The following PDGFD variants were observed in gnomAD, a reference collection of about 807,000 sequenced individuals.
PDGFD encodes platelet derived growth factor D, also known as platelet-derived growth factor D.
In PDGFD, 30 loss-of-function variants were observed where a neutral mutation model predicts 44.7. That is an observed-to-expected ratio of 0.67 (90% CI 0.50 to 0.91). PDGFD has a LOEUF of 0.91. Ranked by LOEUF, PDGFD falls within the 40% of genes least tolerant of loss-of-function variation. PDGFD has a pLI of 0.00. For synonymous variants in PDGFD, 173 were observed against 168.4 expected (o/e 1.03, Z -0.21); for missense variants, 445 against 457.8 (o/e 0.97, Z 0.25).
intron 3 of PDGFD, among the ~76,000 whole-genome samples, chr11:103,955,163 C>CAAAAAAAAAAAAAAAAAAA: frequency 1.7e-5 from 1 of 58,412 alleles, no homozygotes; most frequent in Admixed American, 1.8e-4. Flanking sequence ...GACTCCGTCT[C>CAAAAAAAAAAAAAAAAAAA]AAAAAAAAAA....
At chr11:103,966,346 G>T (rs774592540) in intron 3 of PDGFD, among the ~76,000 whole-genome samples, 1 of 152,126 alleles carries the variant, frequency 6.6e-6, no homozygotes, top group Non-Finnish European at 1.5e-5. Context: ...AAAAATGACA[G>T]TCAATTTCTA....
intron 1 of PDGFD, among the ~76,000 whole-genome samples, chr11:104,128,223 T>A (rs1419216565): frequency 6.9e-6 from 1 of 145,150 alleles, no homozygotes; most frequent in Admixed American, 7.4e-5. Context: ...TTGAAAAAAA[T>A]GTGGAATAGG....
At chr11:104,052,266 T>G (rs2134407269) in intron 1 of PDGFD, among the ~76,000 whole-genome samples, 1 of 152,322 alleles carries the variant, frequency 6.6e-6, no homozygotes, top group Middle Eastern at 3.4e-3. Flanking sequence ...ACAAGGACAT[T>G]CATGCCAGTT....
intron 1 of PDGFD, among the ~76,000 whole-genome samples, chr11:104,058,298 A>G (rs1860655032): frequency 6.6e-6 from 1 of 152,248 alleles, no homozygotes; most frequent in East Asian, 1.9e-4. Context: ...ACATTCACCG[A>G]TAAGAAGAAA....
At chr11:104,133,759 T>C (rs1338525140) in intron 1 of PDGFD, among the ~76,000 whole-genome samples, 1 of 152,168 alleles carries the variant, frequency 6.6e-6, no homozygotes, top group Non-Finnish European at 1.5e-5. Flanking sequence ...AAGAGTATTT[T>C]ATAAGTTCCA....
chr11:104,126,341 C>G (rs925360456), intron 1 of PDGFD, among the ~76,000 whole-genome samples: 6 of 152,156 alleles, frequency 3.9e-5, no homozygotes, highest in African/African-American at 1.4e-4. Flanking sequence ...GGGCTAGGAT[C>G]TAATACTGGG....
chr11:104,002,101 G>T, intron 1 of PDGFD, among the ~76,000 whole-genome samples: 1 of 152,120 alleles, frequency 6.6e-6, no homozygotes, highest in East Asian at 1.9e-4. Context: ...TTCCAACAAG[G>T]ACAGCAAGCA....
At position 104,000,250 on chromosome 11, in the gene PDGFD, T is replaced by C. The variant is rs775874895; in HGVS notation, c.130A>G (p.Asn44Asp). 1.9e-6 allele frequency: 3 copies of C among 1,613,670 alleles called. No individual in the cohort carries two copies. The highest frequency in any genetic ancestry group is 2.5e-6 in the Non-Finnish European group (3 of 1,179,688). Reference protein sequence around the residue: ...RNANLRRDESNHLTDLYRRDE... With the variant: ...RNANLRRDESDHLTDLYRRDE... ...CTTCGGTACAAGTCTGTGAGGTGAT[T>C]GCTCTCTGTTAGTAGTCACAACTTG... is the stretch of plus-strand genomic sequence containing the variant. Residue 44 changes from asparagine to aspartate, a missense_variant, in exon 2 of 7, where the codon AAT becomes GAT. Asn to Asp is a conservative substitution (Grantham distance 23). Transcript: ENST00000393158.
chr11:103,940,962 T>C (rs1386377625), intron 5 of PDGFD, among the ~76,000 whole-genome samples: 7 of 152,102 alleles, frequency 4.6e-5, no homozygotes, highest in Admixed American at 4.6e-4. Context: ...GTCTATGGGG[T>C]GGTTTCTATA....
At chr11:104,033,084 TTA>T (rs143038882) in intron 1 of PDGFD, among the ~76,000 whole-genome samples, 2 of 149,692 alleles carry the variant, frequency 1.3e-5, no homozygotes, top group Admixed American at 6.7e-5. Flanking sequence ...GTAATATATT[TTA>T]TATATATATA....
At chr11:103,973,512 T>C (rs1859135253) in intron 3 of PDGFD, among the ~76,000 whole-genome samples, 1 of 152,000 alleles carries the variant, frequency 6.6e-6, no homozygotes, top group Non-Finnish European at 1.5e-5. Flanking sequence ...GGATCAGAAG[T>C]AGTTGATAAT....
In PDGFD at chr11:104,134,827, T is replaced by C. The variant is rs1403006211; in HGVS notation, c.124+28977A>G. On this transcript the variant is annotated intron_variant, in intron 1 of 6. Transcript: ENST00000393158. Reference sequence around the variant, plus strand: ...CCTGGGCTGCACATCTGCAGTCTCCTTTCTGACTGCCTCTTCCTTCTGAAG... The same window carrying C: ...CCTGGGCTGCACATCTGCAGTCTCCCTTCTGACTGCCTCTTCCTTCTGAAG... 9.2e-5 allele frequency among the ~76,000 whole-genome samples: 14 copies of C among 152,224 alleles called. 1 individual carries two copies. The highest frequency in any genetic ancestry group is 8.5e-4 in the Admixed American group (13 of 15,282).
chr11:104,100,893 AT>A (rs1861367353), intron 1 of PDGFD, among the ~76,000 whole-genome samples: 1 of 152,126 alleles, frequency 6.6e-6, no homozygotes, highest in Non-Finnish European at 1.5e-5. Context: ...CTTTGACAAA[AT>A]TTTACAACCC....
At chr11:104,090,378 G>C (rs72975276) in intron 1 of PDGFD, among the ~76,000 whole-genome samples, 24,165 of 150,924 alleles carry the variant, frequency 0.16, 2,044 homozygotes, top group South Asian at 0.24. Context: ...CCAGCAACTT[G>C]GAAGGCTGAG....
At chr11:103,990,267 T>G (rs1267890556) in intron 3 of PDGFD, among the ~76,000 whole-genome samples, 2 of 152,172 alleles carry the variant, frequency 1.3e-5, no homozygotes, top group Non-Finnish European at 2.9e-5. Flanking sequence ...TCTTTTCTAT[T>G]TTAGGGTCTT....
chr11:103,988,164 T>A (rs1176269791), intron 3 of PDGFD, among the ~76,000 whole-genome samples: 1 of 152,084 alleles, frequency 6.6e-6, no homozygotes, highest in Non-Finnish European at 1.5e-5. Flanking sequence ...TTTTCCTACT[T>A]CGTTTTCCTC....
chr11:104,135,425 C>A (rs914864129), intron 1 of PDGFD, among the ~76,000 whole-genome samples: 3 of 152,220 alleles, frequency 2.0e-5, no homozygotes, highest in South Asian at 2.1e-4. Flanking sequence ...CAAAATGGTG[C>A]AATATGTATG....
intron 3 of PDGFD, among the ~76,000 whole-genome samples, chr11:103,964,505 G>C (rs1263234894): frequency 6.6e-6 from 1 of 152,092 alleles, no homozygotes; most frequent in Non-Finnish European, 1.5e-5. Flanking sequence ...TCCAGATTTT[G>C]TGCACTCTAA....
At chr11:103,955,771 G>A (rs1858833696) in intron 3 of PDGFD, among the ~76,000 whole-genome samples, 1 of 152,048 alleles carries the variant, frequency 6.6e-6, no homozygotes, top group East Asian at 1.9e-4. Flanking sequence ...GGAGCTTTCT[G>A]TTATAGTAAA....
Sources: allele counts gnomAD v4.1 joint callset (sites outside exome capture counted in the v4.1 genomes callset), GRCh38; gene constraint gnomAD v4.1.1; transcripts MANE v1.5; gene names NCBI Gene and HGNC (gene_info 2026-07-23, HGNC 2026-07-21).